The following ZNF462 variants were observed in gnomAD, a reference collection of about 807,000 sequenced individuals.
The protein encoded by ZNF462 is zinc finger PBX1-interacting protein.
ZNF462 carries 10 observed loss-of-function variants against 201.9 expected under a neutral mutation model. The ratio of observed to expected loss-of-function variants is 0.05; its 90% CI spans 0.03 to 0.08. ZNF462 has a LOEUF of 0.08. Ranked by LOEUF, ZNF462 falls within the 10% of genes least tolerant of loss-of-function variation. The pLI, the probability that ZNF462 is intolerant of heterozygous loss-of-function variation, is 1.00. For missense variants in ZNF462, 2,523 were observed against 3,168.3 expected (o/e 0.80, Z 4.89); for synonymous variants, 1,227 against 1,193.3 (o/e 1.03, Z -0.58).
chr9:106,927,149 T>G lies in ZNF462; in HGVS notation c.3237T>G (p.Ser1079=). Residue 1079 remains serine (S), a synonymous_variant, in exon 3 of 13, where the codon TCT becomes TCG. Coordinates refer to ENST00000277225, the MANE Select transcript of ZNF462 (RefSeq NM_021224.6). ...CTGTGGACAGGGGCTCTGCCCTTTC[T>G]CAATTATCATTTGAGGTGGGTGCTC... The part of the protein sequence containing the change: ...MVSVDRGSAL[S]QLSFEVGAPM... 1 of 1,614,156 alleles carries G rather than the reference T, an allele frequency of 6.2e-7. No individual in the cohort carries two copies. The highest frequency in any genetic ancestry group is 8.5e-7 in the Non-Finnish European group (1 of 1,180,028).
intron 1 of ZNF462, among the ~76,000 whole-genome samples, chr9:106,874,962 G>A (rs923996577): frequency 2.6e-5 from 4 of 152,212 alleles, no homozygotes; most frequent in Non-Finnish European, 4.4e-5. Context: ...GGGAAAACAA[G>A]ATAATCTAGT....
intron 7 of ZNF462, among the ~76,000 whole-genome samples, chr9:106,945,194 A>G (rs564227300): frequency 1.3e-5 from 2 of 152,322 alleles, no homozygotes; most frequent in South Asian, 2.1e-4. Flanking sequence ...TATTAGATTC[A>G]TATATGAAAT....
chr9:106,928,843 T>C lies in ZNF462; in HGVS notation c.4931T>C (p.Val1644Ala). The C allele has an allele frequency of 1.9e-6, 3 of 1,614,036 alleles. No individual in the cohort carries two copies. The highest frequency in any genetic ancestry group is 2.5e-6 in the Non-Finnish European group (3 of 1,180,010). ...GAGGAGGAGGTGGGAGAGGAGCCCG[T>C]GTCCACTTCTCACTTCTCTACCTCC... ...ITEEEVGEEPVSTSHFSTSHL... is the reference protein window; with the variant it reads ...ITEEEVGEEPASTSHFSTSHL... The change falls in exon 3 of 13, where the codon GTG (valine) becomes GCG (alanine). Residue 1644 changes from valine to alanine, a missense_variant. Physicochemically the swap from Val to Ala is moderately conservative, Grantham distance 64. Transcript: ENST00000277225. The surrounding 1 kb of genome is among the most constrained non-coding windows in gnomAD (Gnocchi z 9.3).
At chr9:106,987,219 G>T (rs555846616) in intron 10 of ZNF462, among the ~76,000 whole-genome samples, 1 of 152,290 alleles carries the variant, frequency 6.6e-6, no homozygotes, top group Non-Finnish European at 1.5e-5. Context: ...TCTACTTTTA[G>T]TTCTTTAAGG....
In ZNF462 at chr9:106,974,073, G is replaced by A; in HGVS notation, c.6696-64G>A. Reference sequence around the variant, plus strand: ...ACATATATAACGGGTTTGCCAGCAGGAAATGTGAAAATGCAATGATCCCTG... The same window carrying A: ...ACATATATAACGGGTTTGCCAGCAGAAAATGTGAAAATGCAATGATCCCTG... On this transcript the variant is annotated intron_variant, in intron 8 of 12. Transcript: ENST00000277225. This position sits in a 1 kb window ranked among gnomAD's most constrained non-coding sequence, Gnocchi z 4.0. 6.2e-7 allele frequency: 1 copy of A among 1,603,986 alleles called. No homozygotes were observed. Among genetic ancestry groups the A allele is most frequent in the South Asian group, 1.1e-5 (1 of 90,298 alleles).
chr9:106,995,527 G>T (rs2132491755), intron 10 of ZNF462: 1 of 152,196 alleles, frequency 6.6e-6, no homozygotes, highest in East Asian at 1.9e-4. Flanking sequence ...CAGATGATTT[G>T]CATTATAATG....
intron 7 of ZNF462, among the ~76,000 whole-genome samples, chr9:106,956,616 C>G (rs1368469499): frequency 2.2e-5 from 3 of 138,510 alleles, no homozygotes; most frequent in African/African-American, 9.8e-5. Flanking sequence ...TAGATGGAAT[C>G]TTCTTCCAAT....
At chr9:106,956,617 T>C (rs1831586594) in intron 7 of ZNF462, among the ~76,000 whole-genome samples, 1 of 138,066 alleles carries the variant, frequency 7.2e-6, no homozygotes, top group Admixed American at 6.8e-5. Flanking sequence ...AGATGGAATC[T>C]TCTTCCAATA....
At chr9:106,971,120 A>AAC (rs1826585294) in intron 7 of ZNF462, among the ~76,000 whole-genome samples, 1 of 152,208 alleles carries the variant, frequency 6.6e-6, no homozygotes, top group East Asian at 1.9e-4. Flanking sequence ...AATTTAAATC[A>AAC]CTTGAGTGTG....
At chr9:106,864,066 C>CTCTCTGTCTG (rs1442789279) in intron 1 of ZNF462, among the ~76,000 whole-genome samples, 1 of 113,030 alleles carries the variant, frequency 8.8e-6, no homozygotes, top group Non-Finnish European at 1.9e-5. Flanking sequence ...CTCTCTCTCT[C>CTCTCTGTCTG]TCTCTCTCTC....
At chr9:106,999,955 A>T (rs1488679091) in intron 10 of ZNF462, among the ~76,000 whole-genome samples, 1 of 152,082 alleles carries the variant, frequency 6.6e-6, no homozygotes, top group Non-Finnish European at 1.5e-5. Flanking sequence ...GCAGGCCATA[A>T]ACAATTCATT....
chr9:107,007,459 A>G (rs1245349678), intron 11 of ZNF462, among the ~76,000 whole-genome samples: 1 of 152,204 alleles, frequency 6.6e-6, no homozygotes, highest in Admixed American at 6.5e-5. Flanking sequence ...GAGCTTTACC[A>G]CATGGGGGAA....
chr9:106,992,446 A>C (rs551928020), intron 10 of ZNF462, among the ~76,000 whole-genome samples: 86 of 152,224 alleles, frequency 5.6e-4, no homozygotes, highest in African/African-American at 2.0e-3. Context: ...TTTGTTTATA[A>C]GTTAAACGTA....
rs1827852742 is a variant in ZNF462, at chr9:106,876,868, G to A, written c.-31+13513G>A. 6.6e-6 allele frequency among the ~76,000 whole-genome samples: 1 copy of A among 152,146 alleles called. No homozygotes were observed. The highest frequency in any genetic ancestry group is 1.5e-5 in the Non-Finnish European group (1 of 68,038). On this transcript the variant is annotated intron_variant, in intron 1 of 12. Coordinates refer to ENST00000277225, the MANE Select transcript of ZNF462 (RefSeq NM_021224.6). This position sits in a 1 kb window ranked among gnomAD's most constrained non-coding sequence, Gnocchi z 4.9. Reference sequence around the variant, plus strand: ...TGTGCTGTTTATATAAATGTTGTCTGCCTCACTGTTGCTCTACTCACATAC... The same window carrying A: ...TGTGCTGTTTATATAAATGTTGTCTACCTCACTGTTGCTCTACTCACATAC...
chr9:106,882,911 A>G (rs188712448), intron 1 of ZNF462, among the ~76,000 whole-genome samples: 479 of 152,334 alleles, frequency 3.1e-3, no homozygotes, highest in Admixed American at 6.3e-3. Flanking sequence ...GAAAAAAATG[A>G]TGAGTATGTA....
intron 10 of ZNF462, among the ~76,000 whole-genome samples, chr9:106,999,409 G>A (rs1829005558): frequency 6.6e-6 from 1 of 152,082 alleles, no homozygotes; most frequent in South Asian, 2.1e-4. Context: ...AACTAAGCAT[G>A]AAAGAAAGGC....
rs760410504 is a variant in ZNF462, at chr9:106,930,614, G to A, written c.5937G>A (p.Thr1979=). The change falls in exon 4 of 13, where the codon ACG becomes ACA. Residue 1979 remains threonine, a synonymous_variant. Coordinates refer to ENST00000277225, the MANE Select transcript of ZNF462 (RefSeq NM_021224.6). The surrounding 1 kb of genome is among the most constrained non-coding windows in gnomAD (Gnocchi z 5.8). ...KCKFCVEVHP[T]LRAICNHLRK... ...AATTCTGTGTGGAAGTGCACCCAACGCTCCGAGCCATCTGCAATCACCTCC... is the reference window on the plus strand; with the variant it reads ...AATTCTGTGTGGAAGTGCACCCAACACTCCGAGCCATCTGCAATCACCTCC... 33 of 1,614,012 alleles carry A rather than the reference G, an allele frequency of 2.0e-5. No homozygotes were observed. The highest frequency in any genetic ancestry group is 2.0e-4 in the Admixed American group (12 of 60,000).
chr9:106,971,691 T>A (rs1324417697), intron 7 of ZNF462, among the ~76,000 whole-genome samples: 1 of 152,166 alleles, frequency 6.6e-6, no homozygotes, highest in African/African-American at 2.4e-5. Context: ...TGACTATAAT[T>A]TATAATACTT....
intron 1 of ZNF462, among the ~76,000 whole-genome samples, chr9:106,878,340 A>G (rs957813881): frequency 8.5e-5 from 13 of 152,252 alleles, no homozygotes; most frequent in African/African-American, 1.7e-4. Context: ...GGGCCACCCA[A>G]TGCCTCTGGT....
Sources: gnomAD v4.1 joint callset for allele counts (sites outside exome capture counted in the v4.1 genomes callset) on GRCh38, gnomAD v4.1.1 for gene constraint, Gnocchi (gnomAD v3.1) non-coding constraint, MANE v1.5 for transcripts, NCBI Gene and HGNC (gene_info 2026-07-23, HGNC 2026-07-21) for gene names.